Variants in TESPA1 observed in about 807,000 individuals in gnomAD.
The protein encoded by TESPA1 is protein TESPA1.
A neutral mutation model predicts 57.9 loss-of-function variants in TESPA1; 33 were observed. The observed-to-expected ratio is 0.57, with a 90% CI of 0.43 to 0.76. The LOEUF is 0.76. TESPA1 is among the 30% of genes least tolerant of loss of function. The pLI, the probability that TESPA1 is intolerant of heterozygous loss-of-function variation, is 0.00. For synonymous variants in TESPA1, 227 were observed against 228.9 expected, an observed-to-expected ratio of 0.99 and a Z score of 0.07; for missense variants, 618 against 632.9, an observed-to-expected ratio of 0.98 and a Z score of 0.25.
chr12:54,973,341 C>T (rs570869924), intron 3 of TESPA1, 136 bp downstream of exon 3: 10 of 1,289,796 alleles, frequency 7.8e-6, no homozygotes, highest in South Asian at 5.3e-5. Context: ...ACCCCTCCAA[C>T]CACCATCTCA....
At chr12:54,959,778 T>C (rs954947645) in intron 10 of TESPA1, among the ~76,000 whole-genome samples, 7 of 152,194 alleles carry the variant, frequency 4.6e-5, no homozygotes, top group Non-Finnish European at 8.8e-5. Flanking sequence ...TTACTTGTTG[T>C]TTGGGTGGAG....
chr12:54,962,870 T>G lies in TESPA1; in HGVS notation c.1028A>C (p.Asp343Ala). Residue 343 changes from aspartate (D) to alanine (A), a missense_variant, in exon 9 of 11, where the codon GAT (aspartate) becomes GCT (alanine). Physicochemically the swap from Asp to Ala is moderately radical, Grantham distance 126. Transcript: ENST00000449076. ...CTTACCCTCAGCAGGGGGCACAGGA[T>G]CTTCCTGTGAGAATTGCCCCAAATC... ...DSDLGQFSQE[D>A]PVPPAEGKKL... 1.2e-6 allele frequency: 2 copies of G among 1,613,776 alleles called. 1 individual carries two copies.
In TESPA1 at chr12:54,966,108, C is replaced by T; in HGVS notation, c.391G>A (p.Gly131Ser). 6.3e-7 allele frequency: 1 copy of T among 1,577,444 alleles called. No individual in the cohort carries two copies. Among genetic ancestry groups the T allele is most frequent in the Non-Finnish European group, 8.6e-7 (1 of 1,160,532 alleles). The change falls in exon 7 of 11, where the codon GGC (glycine) becomes AGC (serine). Residue 131 changes from glycine (G) to serine (S), a missense_variant. Physicochemically the swap from Gly to Ser is moderately conservative, Grantham distance 56. This residue lies in a region of TESPA1 where 199 missense variants were observed against 184.0 expected (regional missense o/e 1.08). Transcript: ENST00000449076. ...TARPCQLLDL[G>S]CSLASSSMTG... Reference sequence around the variant, plus strand: ...ATGCTGCTGGAAGCCAAACTACAGCCAAGATCAAGTAGCTGGCAAGGCCTG... The same window carrying T: ...ATGCTGCTGGAAGCCAAACTACAGCTAAGATCAAGTAGCTGGCAAGGCCTG...
chr12:54,967,847 G>A lies in TESPA1; in HGVS notation c.252C>T (p.Tyr84=). Reference sequence around the variant, plus strand: ...ATGGACAGAACCTATACTCACCATTGTAGATAAACTGTCCTGCTTCCTCAG... The same window carrying A: ...ATGGACAGAACCTATACTCACCATTATAGATAAACTGTCCTGCTTCCTCAG... ...GFSEEAGQFI[Y]NGFCSHGTSF... The change falls in exon 4 of 11, where the codon TAC becomes TAT. Residue 84 remains tyrosine, a synonymous_variant. Transcript: ENST00000449076. 1 of 1,613,664 alleles carries A rather than the reference G, an allele frequency of 6.2e-7. No homozygotes were observed. Among genetic ancestry groups the A allele is most frequent in the Non-Finnish European group, 8.5e-7 (1 of 1,179,704 alleles).
At chr12:54,984,239 A>G (rs1420319150) in intron 1 of TESPA1, 1 of 152,218 alleles carries the variant, frequency 6.6e-6, no homozygotes, top group Non-Finnish European at 1.5e-5. Flanking sequence ...TGCAGCAACA[A>G]TGAGTTCAGC....
At chr12:54,952,808 TTAATA>T (rs1379894024) in intron 10 of TESPA1, among the ~76,000 whole-genome samples, 2 of 151,008 alleles carry the variant, frequency 1.3e-5, no homozygotes, top group Admixed American at 6.6e-5. Flanking sequence ...AAATTATACT[TTAATA>T]TATTTGCCTT....
At chr12:54,969,217 A>G (rs775738464) in intron 3 of TESPA1, among the ~76,000 whole-genome samples, 1 of 151,560 alleles carries the variant, frequency 6.6e-6, no homozygotes, top group Non-Finnish European at 1.5e-5. Context: ...CATTAAGAAT[A>G]GGTAACTCTA....
intron 1 of TESPA1, among the ~76,000 whole-genome samples, chr12:54,979,158 C>T (rs1952228602): frequency 6.6e-6 from 1 of 152,146 alleles, no homozygotes; most frequent in Non-Finnish European, 1.5e-5. Flanking sequence ...CATAAGGTCA[C>T]CCAAGTCTGA....
In TESPA1 at chr12:54,962,664, C is replaced by G. The variant is rs745329933; in HGVS notation, c.1234G>C (p.Glu412Gln). ...TTGGTGGCTGGTAGACTACACAGCT[C>G]TCTCCTTATCTGAGCTGGGTCTGTG... is the stretch of plus-strand genomic sequence containing the variant. ...WSTDPAQIRRELCSLPATNTE... is the reference protein window; with the variant it reads ...WSTDPAQIRRQLCSLPATNTE... Residue 412 changes from glutamate to glutamine, a missense_variant, in exon 9 of 11, where the codon GAG becomes CAG. By Grantham distance (29) the Glu-to-Gln change is conservative. Transcript: ENST00000449076. 24 of 1,613,854 alleles carry G rather than the reference C, an allele frequency of 1.5e-5. No homozygotes were observed. The highest frequency in any genetic ancestry group is 1.9e-5 in the Non-Finnish European group (22 of 1,179,892).
chr12:54,951,219 G>A (rs141194896), intron 10 of TESPA1, among the ~76,000 whole-genome samples: 5,901 of 152,214 alleles, frequency 0.039, 370 homozygotes, highest in African/African-American at 0.13. Flanking sequence ...GAATTCTCAT[G>A]AGATCTGGTT....
intron 3 of TESPA1, among the ~76,000 whole-genome samples, chr12:54,970,106 T>G (rs544590793): frequency 9.3e-5 from 14 of 150,916 alleles, no homozygotes; most frequent in South Asian, 4.2e-4. Context: ...AAAACTGTTG[T>G]TTTTTTTTCC....
intron 1 of TESPA1, among the ~76,000 whole-genome samples, chr12:54,978,242 A>G (rs1952202339): frequency 6.6e-6 from 1 of 152,190 alleles, no homozygotes; most frequent in Non-Finnish European, 1.5e-5. Flanking sequence ...AGTTTGGTGC[A>G]GTGAAAAGAA....
Position 54,962,744 on chromosome 12 carries a change from T to C in TESPA1, c.1154A>G (p.Asn385Ser), listed in dbSNP as rs747363248. 1 of 1,613,864 alleles carries C rather than the reference T, an allele frequency of 6.2e-7. No individual in the cohort carries two copies. Among genetic ancestry groups the C allele is most frequent in the Admixed American group, 1.7e-5 (1 of 60,004 alleles). Residue 385 changes from asparagine (N) to serine (S), a missense_variant, in exon 9 of 11, where the codon AAC becomes AGC. Coordinates refer to ENST00000449076, the MANE Select transcript of TESPA1 (RefSeq NM_001136030.3). The part of the protein sequence containing the change: ...VLAPSQTLDS[N>S]PKVPCCTHSL... ...ATGTGTGCAACAGGGTACCTTGGGG[T>C]TCGAATCCAGAGTTTGGGATGGTGC...
intron 3 of TESPA1, among the ~76,000 whole-genome samples, chr12:54,971,271 G>A (rs918725433): frequency 6.6e-6 from 1 of 152,210 alleles, no homozygotes; most frequent in African/African-American, 2.4e-5. Context: ...GTAAATGCGG[G>A]CTCCTTGTTT....
In TESPA1 at chr12:54,950,358, C is replaced by T. The variant is rs1380033208; in HGVS notation, c.*34G>A. On this transcript the variant is annotated 3_prime_UTR_variant, in exon 11 of 11. Transcript: ENST00000449076. ...GTTTCTTCTTTGAAGCCAATTCTGT[C>T]AGACCACATGCTGTTGTGGTGGTGG... is the stretch of plus-strand genomic sequence containing the variant. The T allele has an allele frequency of 2.2e-6, 1 of 456,734 alleles. No individual in the cohort carries two copies. Among genetic ancestry groups the T allele is most frequent in the Non-Finnish European group, 4.4e-6 (1 of 226,966 alleles). 28.3% of individuals were successfully genotyped at this position (456,734 alleles called of 1,614,324 possible). A position where few individuals can be genotyped will look rare whatever the true frequency, so the allele number is the denominator to read the frequency against.
intron 1 of TESPA1, among the ~76,000 whole-genome samples, chr12:54,980,650 G>A (rs993730794): frequency 1.1e-4 from 16 of 152,150 alleles, no homozygotes; most frequent in Non-Finnish European, 1.5e-5. Context: ...TGGGAAAGTG[G>A]ATAATTATCA....
chr12:54,952,980 T>C (rs1164338041), intron 10 of TESPA1, among the ~76,000 whole-genome samples: 1 of 152,218 alleles, frequency 6.6e-6, no homozygotes, highest in East Asian at 1.9e-4. Flanking sequence ...GGCTTAGATA[T>C]TTTACCTCCT....
chr12:54,975,240 A>G (rs10876678), intron 1 of TESPA1, among the ~76,000 whole-genome samples: 52,748 of 151,908 alleles, frequency 0.35, 11,609 homozygotes, highest in East Asian at 0.92. Flanking sequence ...TTAAAAGCAG[A>G]GAGACACTGC....
Position 54,948,522 on chromosome 12 carries a change from C to T in TESPA1, c.*1870G>A, listed in dbSNP as rs768452763. 1.3e-5 allele frequency: 2 copies of T among 152,692 alleles called. No homozygotes were observed. Among genetic ancestry groups the T allele is most frequent in the Non-Finnish European group, 2.9e-5 (2 of 68,428 alleles). The allele number at this position is 152,692 out of a possible 1,614,324, so 9.5% of individuals were successfully genotyped here. A position where few individuals can be genotyped will look rare whatever the true frequency, so the allele number is the denominator to read the frequency against. On this transcript the variant is annotated 3_prime_UTR_variant, in exon 11 of 11. Coordinates refer to ENST00000449076, the MANE Select transcript of TESPA1 (RefSeq NM_001136030.3). ...GTACTGTATAATGAGTGAGTTCTTA[C>T]AAGATCTGGTCATTTAAAAGTGTTA...
Sources: allele counts gnomAD v4.1 joint callset (sites outside exome capture counted in the v4.1 genomes callset), GRCh38; gene constraint gnomAD v4.1.1; regional missense constraint gnomAD v4.1.1; transcripts MANE v1.5; gene names NCBI Gene and HGNC (gene_info 2026-07-23, HGNC 2026-07-21).